Variants in EBF2 observed in about 807,000 individuals in gnomAD.
EBF2 encodes EBF transcription factor 2.
A neutral mutation model predicts 72.8 loss-of-function variants in EBF2; 21 were observed. The ratio of observed to expected loss-of-function variants is 0.29; its 90% confidence interval spans 0.20 to 0.42. The LOEUF (loss-of-function observed/expected upper bound fraction) is 0.42, where lower values mean the gene tolerates loss of function less well. Among genes scored for constraint, EBF2 ranks in the 10% least tolerant of loss-of-function variants. The pLI is 1.00. For missense variants in EBF2, 637 were observed against 731.2 expected (o/e 0.87, Z 1.49); for synonymous variants, 299 against 274.2 (o/e 1.09, Z -0.89).
chr8:25,968,920 G>A lies in EBF2; in HGVS notation c.552-60365C>T, dbSNP rs74795142. Among the ~76,000 whole-genome samples, 19 of 151,076 alleles carry A rather than the reference G, an allele frequency of 1.3e-4. No individual in the cohort carries two copies. The East Asian group carries it at 3.3e-3, about 26-fold the overall frequency. On this transcript the variant is annotated intron_variant, in intron 6 of 15. Coordinates refer to ENST00000520164, the MANE Select transcript of EBF2 (RefSeq NM_022659.4). The stretch of plus-strand genomic sequence containing the variant: ...ATGATGGTGATGGCTGCACAATAAT[G>A]TACTTAGCACTACTGAACTGCACAC...
At chr8:25,918,017 AT>A (rs1803252979) in intron 6 of EBF2, among the ~76,000 whole-genome samples, 1 of 152,204 alleles carries the variant, frequency 6.6e-6, no homozygotes, top group Non-Finnish European at 1.5e-5. Context: ...TTGGACAACT[AT>A]TTCACACCTG....
chr8:26,035,465 T>C (rs1331153881), intron 5 of EBF2, among the ~76,000 whole-genome samples: 1 of 152,196 alleles, frequency 6.6e-6, no homozygotes, highest in Non-Finnish European at 1.5e-5. Flanking sequence ...CCTAGCTCTG[T>C]GGCTCTCTGC....
intron 6 of EBF2, among the ~76,000 whole-genome samples, chr8:26,022,334 C>T (rs138894125): frequency 0.011 from 1,617 of 152,262 alleles, 19 homozygotes; most frequent in South Asian, 0.028. Flanking sequence ...GAGTTGTGCA[C>T]GTCGTTTTCA....
rs373834117 is a variant in EBF2 at position 26,040,019 on chromosome 8, G to C, written c.482+9C>G. ...TCTCCAGGAAGGCCTGGGAAAAGGC[G>C]GCTCTTACCTACACATCACTTCGTG... is the stretch of plus-strand genomic sequence containing the variant. On this transcript the variant is annotated intron_variant, in intron 5 of 15. Transcript: ENST00000520164. 49 of 1,613,100 alleles carry C rather than the reference G, an allele frequency of 3.0e-5. No homozygotes were observed. The African/African-American group carries it at 3.2e-4, about 11-fold the overall frequency.
At chr8:25,957,817 G>C (rs550682112) in intron 6 of EBF2, among the ~76,000 whole-genome samples, 40 of 152,206 alleles carry the variant, frequency 2.6e-4, no homozygotes, top group Non-Finnish European at 5.6e-4. Context: ...GGTGAACCAT[G>C]ATTGCATGAC....
chr8:25,877,292 T>C (rs1356218909), intron 10 of EBF2, among the ~76,000 whole-genome samples: 2 of 152,186 alleles, frequency 1.3e-5, no homozygotes, highest in African/African-American at 4.8e-5. Flanking sequence ...CAGTTCTCTC[T>C]GGAAGTCTGC....
intron 14 of EBF2, among the ~76,000 whole-genome samples, chr8:25,856,972 A>C (rs1399340802): frequency 6.6e-6 from 1 of 152,094 alleles, no homozygotes; most frequent in African/African-American, 2.4e-5. Context: ...GTTTCTTGTT[A>C]GACTCTGTTT....
At chr8:25,925,245 G>C (rs1204386652) in intron 6 of EBF2, among the ~76,000 whole-genome samples, 1 of 152,054 alleles carries the variant, frequency 6.6e-6, no homozygotes, top group Non-Finnish European at 1.5e-5. Context: ...ATTTTGAAGA[G>C]TTATACTCAT....
intron 6 of EBF2, among the ~76,000 whole-genome samples, chr8:25,972,870 C>CT (rs35053241): frequency 0.037 from 4,598 of 124,704 alleles, 103 homozygotes; most frequent in Non-Finnish European, 0.048. Flanking sequence ...TGCAGTTTGG[C>CT]TTTTTTTTTT....
chr8:25,891,934 G>A (rs535200927), intron 7 of EBF2, among the ~76,000 whole-genome samples: 160 of 152,150 alleles, frequency 1.1e-3, no homozygotes, highest in African/African-American at 3.7e-3. Flanking sequence ...CTTTTATTAT[G>A]AATAATTTCA....
chr8:25,913,730 C>A (rs1803167893), intron 6 of EBF2, among the ~76,000 whole-genome samples: 1 of 152,126 alleles, frequency 6.6e-6, no homozygotes, highest in Admixed American at 6.6e-5. Context: ...CCATGATGGT[C>A]ACATAAGCAG....
intron 6 of EBF2, among the ~76,000 whole-genome samples, chr8:26,011,144 A>C (rs984512191): frequency 6.6e-6 from 1 of 152,210 alleles, no homozygotes; most frequent in African/African-American, 2.4e-5. Flanking sequence ...CATTTATCAA[A>C]GCAATTGAAA....
intron 6 of EBF2, among the ~76,000 whole-genome samples, chr8:25,940,245 T>C (rs1400150513): frequency 1.3e-5 from 2 of 152,338 alleles, no homozygotes; most frequent in East Asian, 3.9e-4. Context: ...AAGAGTATTT[T>C]ACACAACAGT....
At chr8:26,036,973 G>C (rs747968452) in intron 5 of EBF2, among the ~76,000 whole-genome samples, 2 of 152,086 alleles carry the variant, frequency 1.3e-5, no homozygotes, top group African/African-American at 4.8e-5. Context: ...GACTGTGTTC[G>C]TAACAACCCC....
chr8:26,021,759 A>T (rs1414281040), intron 6 of EBF2, among the ~76,000 whole-genome samples: 2 of 152,178 alleles, frequency 1.3e-5, no homozygotes, highest in East Asian at 3.8e-4. Context: ...TTACTTGCTA[A>T]ATATGGCAAC....
rs569269886 is a variant in EBF2 at position 25,863,679 on chromosome 8, C to T, written c.1010-882G>A. Among the ~76,000 whole-genome samples, 20 of 152,064 alleles carry T rather than the reference C, an allele frequency of 1.3e-4. 1 individual carries two copies. Among genetic ancestry groups the T allele is most frequent in the South Asian group, 8.3e-4 (4 of 4,828 alleles). ...GCAATAAACACAGTAATGTCTATTTCCTCTTTAATCTTATTTTTTATATAT... is the reference window on the plus strand; with the variant it reads ...GCAATAAACACAGTAATGTCTATTTTCTCTTTAATCTTATTTTTTATATAT... On this transcript the variant is annotated intron_variant, in intron 10 of 15. Transcript: ENST00000520164.
intron 6 of EBF2, among the ~76,000 whole-genome samples, chr8:26,027,061 T>C (rs17818454): frequency 0.094 from 14,355 of 152,238 alleles, 721 homozygotes; most frequent in South Asian, 0.12. Flanking sequence ...TACTGATATA[T>C]CTGGTTTACC....
At chr8:26,043,907 G>A (rs1414618457) in intron 1 of EBF2, among the ~76,000 whole-genome samples, 1 of 152,054 alleles carries the variant, frequency 6.6e-6, no homozygotes, top group East Asian at 1.9e-4. Flanking sequence ...GTGGCACCCC[G>A]GACATGGTAT....
At chr8:25,971,692 C>T (rs181034959) in intron 6 of EBF2, among the ~76,000 whole-genome samples, 481 of 152,264 alleles carry the variant, frequency 3.2e-3, no homozygotes, top group African/African-American at 0.011. Flanking sequence ...TTATCTTTGG[C>T]TTGTTACTGG....
Sources: gnomAD v4.1 joint callset for allele counts (sites outside exome capture counted in the v4.1 genomes callset) on GRCh38, gnomAD v4.1.1 for gene constraint, MANE v1.5 for transcripts, NCBI Gene and HGNC (gene_info 2026-07-23, HGNC 2026-07-21) for gene names.